ING3: variants seen among roughly 807,000 people sequenced by gnomAD.
ING3 encodes inhibitor of growth protein 3.
In ING3, 6 loss-of-function variants were observed where a neutral mutation model predicts 64.8. The ratio of observed to expected loss-of-function variants is 0.09; its 90% CI spans 0.05 to 0.18. The LOEUF (loss-of-function observed/expected upper bound fraction) is 0.18, where lower values mean the gene tolerates loss of function less well. Ranked by LOEUF, ING3 falls within the 10% of genes least tolerant of loss-of-function variation. The pLI is 1.00. For missense variants in ING3, 310 were observed against 489.7 expected (o/e 0.63, Z 3.46); for synonymous variants, 170 against 173.7 (o/e 0.98, Z 0.17).
intron 4 of ING3, among the ~76,000 whole-genome samples, chr7:120,958,772 CAT>C (rs1795887658): frequency 6.6e-6 from 1 of 152,210 alleles, no homozygotes; most frequent in Non-Finnish European, 1.5e-5. Flanking sequence ...AGGTCTTCCT[CAT>C]ATTTAAAAAG....
chr7:120,956,397 T>A, intron 4 of ING3: 15 of 1,300,040 alleles, frequency 1.2e-5, no homozygotes, highest in Non-Finnish European at 1.5e-5. Flanking sequence ...TGGGTACAGA[T>A]TTATTACTGA....
At chr7:120,960,840 A>G (rs1190970746) in intron 4 of ING3, among the ~76,000 whole-genome samples, 1 of 152,162 alleles carries the variant, frequency 6.6e-6, no homozygotes, top group Non-Finnish European at 1.5e-5. Flanking sequence ...TTAAATACTT[A>G]TTTGTGTTTC....
Position 120,976,887 on chromosome 7 carries a change from T to G in ING3, c.*2043T>G, listed in dbSNP as rs764590420. 5.9e-5 allele frequency: 9 copies of G among 152,204 alleles called. No individual in the cohort carries two copies. Among genetic ancestry groups the G allele is most frequent in the Admixed American group, 5.9e-4 (9 of 15,284 alleles). The allele number at this position is 152,204 out of a possible 1,614,324, so 9.4% of individuals were successfully genotyped here. A position where few individuals can be genotyped will look rare whatever the true frequency, so the allele number is the denominator to read the frequency against. ...AAGAAACCAAAATTTGGTGCAGGTA[T>G]TTAGTAATGGGTAGAACCTGTTAAT... is the stretch of plus-strand genomic sequence containing the variant. On this transcript the variant is annotated 3_prime_UTR_variant, in exon 12 of 12. Transcript: ENST00000315870.
chr7:120,964,465 C>A (rs1359223638), intron 4 of ING3, among the ~76,000 whole-genome samples: 1 of 152,114 alleles, frequency 6.6e-6, no homozygotes, highest in Non-Finnish European at 1.5e-5. Context: ...CTTTAATTTT[C>A]ATGTCCTGAC....
rs1301865905 is a variant in ING3 at position 120,975,643 on chromosome 7, G to C, written c.*799G>C. 6.6e-6 allele frequency: 1 copy of C among 152,014 alleles called. No homozygotes were observed. The allele number at this position is 152,014 out of a possible 1,614,324, so 9.4% of individuals were successfully genotyped here. The stretch of plus-strand genomic sequence containing the variant: ...CAATTGTATTAGGTGTTAAAATAAA[G>C]TTTTTAAAAAATTACTTGTATTTAT... On this transcript the variant is annotated 3_prime_UTR_variant, in exon 12 of 12. Coordinates refer to ENST00000315870, the MANE Select transcript of ING3 (RefSeq NM_019071.3).
chr7:120,971,889 T>C (rs987745391), intron 10 of ING3, among the ~76,000 whole-genome samples: 4 of 152,170 alleles, frequency 2.6e-5, no homozygotes, highest in Non-Finnish European at 5.9e-5. Context: ...CATACCGGTT[T>C]ACTAAACCCT....
chr7:120,974,264 T>C (rs559541827), intron 11 of ING3, among the ~76,000 whole-genome samples: 1 of 152,208 alleles, frequency 6.6e-6, no homozygotes, highest in Non-Finnish European at 1.5e-5. Context: ...TTCTCTACAT[T>C]TCAAGGAATA....
At chr7:120,963,444 C>CAAA (rs34775399) in intron 4 of ING3, among the ~76,000 whole-genome samples, 1 of 145,896 alleles carries the variant, frequency 6.9e-6, no homozygotes, top group Non-Finnish European at 1.5e-5. Context: ...GAATGTTTTT[C>CAAA]AAAAAAAAAA....
chr7:120,966,776 C>T, intron 6 of ING3, 79 bp downstream of exon 6: 2 of 979,478 alleles, frequency 2.0e-6, no homozygotes, highest in Non-Finnish European at 3.3e-6. Context: ...CTTTTTTTAA[C>T]TCTACACAAC....
At chr7:120,962,091 T>C (rs1369663439) in intron 4 of ING3, among the ~76,000 whole-genome samples, 2 of 152,188 alleles carry the variant, frequency 1.3e-5, no homozygotes, top group Non-Finnish European at 2.9e-5. Flanking sequence ...ATGCACATGA[T>C]GGATTTCAGG....
At chr7:120,952,659 C>G (rs1270577003) in intron 2 of ING3, among the ~76,000 whole-genome samples, 2 of 151,880 alleles carry the variant, frequency 1.3e-5, no homozygotes, top group Non-Finnish European at 2.9e-5. Flanking sequence ...TTCATAGAGT[C>G]TTTAAAAGGC....
Position 120,974,416 on chromosome 7 carries a change from A to T in ING3, c.1141-312A>T, listed in dbSNP as rs1317391865. On this transcript the variant is annotated intron_variant, in intron 11 of 11. Coordinates refer to ENST00000315870, the MANE Select transcript of ING3 (RefSeq NM_019071.3). ...GTTATATTTACCTTCTACATAGAAG[A>T]TTCATCCCACTTCTTTTTGCCCTTG... Among the ~76,000 whole-genome samples, 6 of 152,200 alleles carry T rather than the reference A, an allele frequency of 3.9e-5. No homozygotes were observed. In the East Asian group the frequency reaches 1.2e-3, roughly 29 times the overall value.
At chr7:120,954,545 A>G (rs955981544) in intron 3 of ING3, among the ~76,000 whole-genome samples, 1 of 144,862 alleles carries the variant, frequency 6.9e-6, no homozygotes, top group Admixed American at 6.7e-5. Context: ...TTCTCTTAGG[A>G]AAAAAAAAAA....
intron 9 of ING3, among the ~76,000 whole-genome samples, chr7:120,969,793 A>T (rs972742349): frequency 6.6e-6 from 1 of 152,214 alleles, no homozygotes; most frequent in Non-Finnish European, 1.5e-5. Context: ...TGAAAGTTCA[A>T]ATGCTAGGCC....
chr7:120,963,331 G>GA lies in ING3; in HGVS notation c.268-1405dup, dbSNP rs199531205. On this transcript the variant is annotated intron_variant, in intron 4 of 11. Coordinates refer to ENST00000315870, the MANE Select transcript of ING3 (RefSeq NM_019071.3). ...GAAGGAAAACTGGCTTTCAGTTTTT[G>GA]AAAAAATCACAAACCAACACCCTAA... Among the ~76,000 whole-genome samples the GA allele has an allele frequency of 4.1e-3, 624 of 151,704 alleles. 4 individuals carry two copies. The highest frequency in any genetic ancestry group is 0.013 in the African/African-American group (536 of 41,404).
rs2525725 is a variant in ING3 at position 120,970,847 on chromosome 7, C to T, written c.1068C>T (p.Asp356=). ...ATAGTCAGGTTGATTGGACTTACGA[C>T]CCAAATGAACCTCGATACTGCATTT... ...DSNSQVDWTY[D]PNEPRYCICN... The change falls in exon 10 of 12, where the codon GAC becomes GAT. Residue 356 remains aspartate, a synonymous_variant. Transcript: ENST00000315870. 320,231 of 1,606,634 alleles carry T rather than the reference C, an allele frequency of 0.2. 34,103 individuals carry two copies. The highest frequency in any genetic ancestry group is 0.22 in the African/African-American group (16,169 of 74,754).
At chr7:120,955,974 T>A (rs1795840362) in intron 4 of ING3, 1 of 589,588 alleles carries the variant, frequency 1.7e-6, no homozygotes, top group Non-Finnish European at 3.0e-6. Context: ...TTTGAGATTG[T>A]TTCTGTGGTA....
intron 4 of ING3, chr7:120,956,317 T>C: frequency 7.0e-7 from 1 of 1,419,142 alleles, no homozygotes; most frequent in African/African-American, 1.4e-5. Flanking sequence ...TAAAGTAAAT[T>C]AAAGCAGAAA....
chr7:120,964,313 A>G (rs1021066194), intron 4 of ING3, among the ~76,000 whole-genome samples: 1 of 152,144 alleles, frequency 6.6e-6, no homozygotes, highest in Non-Finnish European at 1.5e-5. Flanking sequence ...ATTCTAAATA[A>G]TAGCTTTTAT....
Sources: gnomAD v4.1 joint callset for allele counts (sites outside exome capture counted in the v4.1 genomes callset) on GRCh38, gnomAD v4.1.1 for gene constraint, MANE v1.5 for transcripts, NCBI Gene and HGNC (gene_info 2026-07-23, HGNC 2026-07-21) for gene names.